MAPK8: variants seen among roughly 807,000 people sequenced by gnomAD.
MAPK8 encodes JUN N-terminal kinase.
A neutral mutation model predicts 52.9 loss-of-function variants in MAPK8; 13 were observed. That is an observed-to-expected ratio of 0.25 (90% CI 0.16 to 0.39). The LOEUF (loss-of-function observed/expected upper bound fraction) is 0.39, where lower values mean the gene tolerates loss of function less well. MAPK8 is among the 10% of genes least tolerant of loss of function. The probability of loss-of-function intolerance (pLI) is 1.00; values close to 1 mark genes in which losing one functional copy is unlikely to be tolerated. For missense variants in MAPK8, 300 were observed against 519.2 expected (o/e 0.58, Z 4.10); for synonymous variants, 191 against 169.8 (o/e 1.12, Z -0.97).
In MAPK8 at chr10:48,427,082, A is replaced by G. The variant is rs574643625; in HGVS notation, c.999A>G (p.Pro333=). ...VWYDPSEAEA[P]PPKIPDKQLD... Reference sequence around the variant, plus strand: ...TATTATTGCCTTGTGTTTTTCAGCCACCACCAAAGATCCCTGACAAGCAGT... The same window carrying G: ...TATTATTGCCTTGTGTTTTTCAGCCGCCACCAAAGATCCCTGACAAGCAGT... The change falls in exon 10 of 12, where the codon CCA becomes CCG. Residue 333 remains proline, a splice_region_variant and synonymous_variant. Coordinates refer to ENST00000374189, the MANE Select transcript of MAPK8 (RefSeq NM_001323329.2). 13 of 1,612,722 alleles carry G rather than the reference A, an allele frequency of 8.1e-6. No homozygotes were observed. The highest frequency in any genetic ancestry group is 1.1e-5 in the Non-Finnish European group (13 of 1,179,140).
chr10:48,401,676 C>T lies in MAPK8; in HGVS notation c.16C>T (p.Arg6Cys), dbSNP rs773780784. ...GCTTGCCATCATGAGCAGAAGCAAG[C>T]GTGACAACAATTTTTATAGTGTAGA... is the stretch of plus-strand genomic sequence containing the variant. MSRSK[R>C]DNNFYSVEIG... The change falls in exon 2 of 12, where the codon CGT (arginine) becomes TGT (cysteine). Residue 6 changes from arginine (R) to cysteine (C), a missense_variant. Coordinates refer to ENST00000374189, the MANE Select transcript of MAPK8 (RefSeq NM_001323329.2). 1.6e-5 allele frequency: 25 copies of T among 1,608,572 alleles called. No homozygotes were observed. Among genetic ancestry groups the T allele is most frequent in the Admixed American group, 5.1e-5 (3 of 59,052 alleles).
At chr10:48,404,664 AG>A (rs2042363895) in intron 2 of MAPK8, among the ~76,000 whole-genome samples, 187 bp from the exon 3 acceptor site, 1 of 152,208 alleles carries the variant, frequency 6.6e-6, no homozygotes, top group African/African-American at 2.4e-5. Flanking sequence ...TTAGCATTTT[AG>A]GAAATAGTTG....
At chr10:48,372,952 A>G (rs546094601) in intron 1 of MAPK8, among the ~76,000 whole-genome samples, 1 of 152,242 alleles carries the variant, frequency 6.6e-6, no homozygotes, top group Admixed American at 6.5e-5. Context: ...TCAAGGTTGA[A>G]ATGAAGGAAA....
intron 10 of MAPK8, chr10:48,427,500 A>T (rs1388723971): frequency 1.9e-5 from 3 of 160,578 alleles, no homozygotes; most frequent in Non-Finnish European, 4.1e-5. Flanking sequence ...TATTTATTAT[A>T]TATTTTTTTG....
chr10:48,420,044 AAAAC>A, intron 5 of MAPK8, 107 bp from the exon 6 acceptor site: 1 of 804,240 alleles, frequency 1.2e-6, no homozygotes, highest in Non-Finnish European at 1.9e-6. Context: ...TACAGTGAGA[AAAAC>A]GAACAATTAA....
intron 1 of MAPK8, among the ~76,000 whole-genome samples, chr10:48,361,302 A>G (rs971131777): frequency 6.6e-6 from 1 of 152,180 alleles, no homozygotes; most frequent in African/African-American, 2.4e-5. Context: ...GTGTCACTTG[A>G]TAGTCTGTTT....
chr10:48,425,693 T>G, intron 7 of MAPK8, 195 bp from the exon 8 acceptor site: 1 of 437,032 alleles, frequency 2.3e-6, no homozygotes, highest in Non-Finnish European at 4.0e-6. Context: ...ATAAATAAGG[T>G]TAATAAAGCT....
intron 1 of MAPK8, among the ~76,000 whole-genome samples, chr10:48,318,394 C>T (rs989660633): frequency 1.3e-5 from 2 of 152,166 alleles, no homozygotes; most frequent in African/African-American, 4.8e-5. Context: ...ACACTTAAAA[C>T]TAACCATCAC....
intron 1 of MAPK8, among the ~76,000 whole-genome samples, chr10:48,376,092 A>C (rs1220579924): frequency 6.6e-6 from 1 of 152,190 alleles, no homozygotes; most frequent in Non-Finnish European, 1.5e-5. Context: ...CCACACGTCT[A>C]CAACCATATG....
chr10:48,405,121 A>ATG lies in MAPK8; in HGVS notation c.252+141_252+142insGT, dbSNP rs67126940. On this transcript the variant is annotated intron_variant, in intron 3 of 11. Transcript: ENST00000374189. Reference sequence around the variant, plus strand: ...GTTTAAAAGGGATATATATATATATATATATATCTACAGGGTGATTTTCCT... The same window carrying ATG: ...GTTTAAAAGGGATATATATATATATATGTATATATCTACAGGGTGATTTTCCT... The ATG allele has an allele frequency of 0.11, 29,392 of 270,100 alleles. 1,781 individuals are homozygous for ATG. Among genetic ancestry groups the ATG allele is most frequent in the Non-Finnish European group, 0.13 (18,252 of 143,292 alleles). The allele number at this position is 270,100 out of a possible 1,614,324, so 16.7% of individuals were successfully genotyped here.
intron 1 of MAPK8, among the ~76,000 whole-genome samples, chr10:48,399,926 A>C (rs1426101585): frequency 6.6e-6 from 1 of 152,236 alleles, no homozygotes; most frequent in African/African-American, 2.4e-5. Flanking sequence ...ATCAGAGATC[A>C]TTATTACTGT....
chr10:48,374,975 T>C (rs967260163), intron 1 of MAPK8, among the ~76,000 whole-genome samples: 5 of 152,166 alleles, frequency 3.3e-5, no homozygotes, highest in Non-Finnish European at 5.9e-5. Flanking sequence ...TGAACATTGA[T>C]GTGAAAATCC....
At chr10:48,340,600 A>T (rs1845162548) in intron 1 of MAPK8, among the ~76,000 whole-genome samples, 1 of 152,220 alleles carries the variant, frequency 6.6e-6, no homozygotes, top group Non-Finnish European at 1.5e-5. Context: ...ACAAAGTTTT[A>T]GTTTTCTTAT....
intron 1 of MAPK8, among the ~76,000 whole-genome samples, chr10:48,395,788 G>A (rs2041857510): frequency 6.6e-6 from 1 of 152,004 alleles, no homozygotes; most frequent in Non-Finnish European, 1.5e-5. Context: ...TCAAAAGATA[G>A]ATCAGTGAAA....
Position 48,437,011 on chromosome 10 carries a change from AAGGTTCTC to A in MAPK8, c.*1984_*1991del, listed in dbSNP as rs2044901892. ...ACTTTCACAGCAGACATGCTTTCAG[AAGGTTCTC>A]ATATTTTATGTTTGATTGCTGATAA... On this transcript the variant is annotated 3_prime_UTR_variant, in exon 12 of 12. Transcript: ENST00000374189. 1.3e-5 allele frequency: 2 copies of A among 152,198 alleles called. No individual in the cohort carries two copies. Among genetic ancestry groups the A allele is most frequent in the Admixed American group, 1.3e-4 (2 of 15,274 alleles). The allele number at this position is 152,198 out of a possible 1,614,324, so 9.4% of individuals were successfully genotyped here. A position where few individuals can be genotyped will look rare whatever the true frequency, so the allele number is the denominator to read the frequency against.
At chr10:48,343,265 TC>T (rs1229441202) in intron 1 of MAPK8, among the ~76,000 whole-genome samples, 1 of 152,180 alleles carries the variant, frequency 6.6e-6, no homozygotes, top group Non-Finnish European at 1.5e-5. Context: ...CCTTTCCTCT[TC>T]CAGCTTCTGT....
At chr10:48,373,837 A>G (rs753621506) in intron 1 of MAPK8, among the ~76,000 whole-genome samples, 4 of 152,164 alleles carry the variant, frequency 2.6e-5, no homozygotes, top group Middle Eastern at 3.2e-3. Flanking sequence ...TAGATAGATC[A>G]ACGAGACAGA....
intron 1 of MAPK8, among the ~76,000 whole-genome samples, chr10:48,388,485 G>A (rs573573797): frequency 1.1e-3 from 168 of 152,238 alleles, no homozygotes; most frequent in African/African-American, 3.9e-3. Flanking sequence ...CCTCTAGGCT[G>A]GTGGTTGCTG....
intron 1 of MAPK8, among the ~76,000 whole-genome samples, chr10:48,377,135 A>G (rs1473031302): frequency 6.6e-6 from 1 of 151,826 alleles, no homozygotes; most frequent in Non-Finnish European, 1.5e-5. Flanking sequence ...CAAACACCGC[A>G]TGTTGCCACT....
Sources: gnomAD v4.1 joint callset for allele counts (sites outside exome capture counted in the v4.1 genomes callset) on GRCh38, gnomAD v4.1.1 for gene constraint, MANE v1.5 for transcripts, NCBI Gene and HGNC (gene_info 2026-07-23, HGNC 2026-07-21) for gene names.